The following GTF2E2 variants were observed in gnomAD, a reference collection of about 807,000 sequenced individuals.
GTF2E2 encodes the protein transcription initiation factor IIE subunit beta.
A neutral mutation model predicts 40.5 loss-of-function variants in GTF2E2; 21 were observed. The observed-to-expected ratio is 0.52, with a 90% CI of 0.37 to 0.75. The LOEUF (loss-of-function observed/expected upper bound fraction) is 0.75. Ranked by LOEUF, GTF2E2 falls within the 30% of genes least tolerant of loss-of-function variation. The probability of loss-of-function intolerance (pLI) is 0.00; values close to 1 mark genes in which losing one functional copy is unlikely to be tolerated. For missense variants in GTF2E2, 298 were observed against 338.4 expected (o/e 0.88, Z 0.94); for synonymous variants, 117 against 121.6 (o/e 0.96, Z 0.25).
intron 3 of GTF2E2, among the ~76,000 whole-genome samples, chr8:30,630,981 G>A (rs1173508370): frequency 1.3e-5 from 2 of 152,034 alleles, no homozygotes; most frequent in Admixed American, 1.3e-4. Flanking sequence ...GTAATGCACA[G>A]AGAACACTGG....
chr8:30,587,667 G>A (rs554153101), intron 6 of GTF2E2, among the ~76,000 whole-genome samples: 1 of 152,074 alleles, frequency 6.6e-6, no homozygotes, highest in South Asian at 2.1e-4. Flanking sequence ...AAGGTCAGGA[G>A]TTCGAGACCA....
intron 3 of GTF2E2, among the ~76,000 whole-genome samples, chr8:30,619,001 G>T (rs1414856598): frequency 6.6e-6 from 1 of 152,152 alleles, no homozygotes; most frequent in Non-Finnish European, 1.5e-5. Flanking sequence ...AGAGTGCAGT[G>T]GTGCAATCTT....
chr8:30,579,536 T>A (rs994988686), intron 7 of GTF2E2, among the ~76,000 whole-genome samples: 2 of 152,214 alleles, frequency 1.3e-5, no homozygotes, highest in Non-Finnish European at 2.9e-5. Context: ...GGGCTGCAAT[T>A]ACACTCATTT....
intron 6 of GTF2E2, among the ~76,000 whole-genome samples, chr8:30,592,147 GT>G (rs1828868071): frequency 6.6e-6 from 1 of 152,116 alleles, no homozygotes; most frequent in South Asian, 2.1e-4. Flanking sequence ...GGAAGCTGAG[GT>G]AGGCAGATCA....
intron 2 of GTF2E2, among the ~76,000 whole-genome samples, chr8:30,649,499 T>C (rs1802200524): frequency 6.6e-6 from 1 of 152,102 alleles, no homozygotes; most frequent in Non-Finnish European, 1.5e-5. Context: ...GATGAACCTT[T>C]AGCTAGACTC....
In GTF2E2 at chr8:30,649,404, AAAACAAAC is replaced by A. The variant is rs528301159; in HGVS notation, c.166+4021_166+4028del. Among the ~76,000 whole-genome samples the A allele has an allele frequency of 1.3e-3, 191 of 152,206 alleles. 1 individual carries two copies. Among genetic ancestry groups the A allele is most frequent in the African/African-American group, 4.3e-3 (177 of 41,546 alleles). On this transcript the variant is annotated intron_variant, in intron 2 of 7. Transcript: ENST00000355904. ...AATAATAAATACTGATGTGGAAATAAAAACAAACAAACAAACAAACAAAAACCAAAACA... is the reference window on the plus strand; with the variant it reads ...AATAATAAATACTGATGTGGAAATAAAAACAAACAAACAAAAACCAAAACA...
intron 2 of GTF2E2, chr8:30,643,763 A>G (rs1197621281): frequency 6.6e-6 from 1 of 151,990 alleles, no homozygotes; most frequent in Admixed American, 6.6e-5. Context: ...TAATAATTCT[A>G]AGTCTTAACC....
At chr8:30,585,696 G>A (rs1011760536) in intron 6 of GTF2E2, among the ~76,000 whole-genome samples, 2 of 143,330 alleles carry the variant, frequency 1.4e-5, no homozygotes, top group East Asian at 2.1e-4. Context: ...AATAATTCAC[G>A]CACTTGCCAC....
intron 3 of GTF2E2, among the ~76,000 whole-genome samples, chr8:30,626,854 A>T (rs960437394): frequency 6.6e-6 from 1 of 152,222 alleles, no homozygotes; most frequent in Non-Finnish European, 1.5e-5. Context: ...ACAATTTATG[A>T]CTCCAGCAAA....
intron 6 of GTF2E2, among the ~76,000 whole-genome samples, chr8:30,599,322 A>T (rs1299279209): frequency 1.3e-5 from 2 of 152,236 alleles, no homozygotes; most frequent in African/African-American, 4.8e-5. Flanking sequence ...CACGCCTGTT[A>T]TCCCAGCACT....
At chr8:30,607,481 A>G (rs1413241598) in intron 5 of GTF2E2, among the ~76,000 whole-genome samples, 2 of 152,030 alleles carry the variant, frequency 1.3e-5, no homozygotes, top group African/African-American at 2.4e-5. Context: ...GGGTCTCACT[A>G]TGTTGCCAGG....
At chr8:30,656,139 G>A (rs796585590) in intron 1 of GTF2E2, among the ~76,000 whole-genome samples, 2 of 152,196 alleles carry the variant, frequency 1.3e-5, no homozygotes, top group South Asian at 2.1e-4. Flanking sequence ...AAAGCCACCT[G>A]GCTAGGCAAC....
chr8:30,579,033 G>A lies in GTF2E2; in HGVS notation c.764C>T (p.Pro255Leu). ...MQESGPKKVA[P>L]IQRRKKPASQ... ...AGCAGGCTTTTTCCTTCTCTGAATA[G>A]GGGCCTAAAGGAAAAGGTAAAAACA... Residue 255 changes from proline (P) to leucine (L), a missense_variant, in exon 8 of 8, where the codon CCT becomes CTT. Transcript: ENST00000355904. 1 of 1,519,630 alleles carries A rather than the reference G, an allele frequency of 6.6e-7. No homozygotes were observed. 94.1% of individuals were successfully genotyped at this position (1,519,630 alleles called of 1,614,324 possible).
intron 6 of GTF2E2, among the ~76,000 whole-genome samples, chr8:30,603,872 G>C (rs1241809948): frequency 2.0e-5 from 3 of 151,980 alleles, no homozygotes; most frequent in Non-Finnish European, 4.4e-5. Context: ...GAAAATAACA[G>C]TGAGAAAATT....
At chr8:30,612,989 G>A (rs1829523399) in intron 4 of GTF2E2, among the ~76,000 whole-genome samples, 1 of 152,160 alleles carries the variant, frequency 6.6e-6, no homozygotes, top group Non-Finnish European at 1.5e-5. Flanking sequence ...GATCAGCACG[G>A]TGCTCACTTT....
chr8:30,650,307 A>G (rs1802227824), intron 2 of GTF2E2, among the ~76,000 whole-genome samples: 1 of 152,220 alleles, frequency 6.6e-6, no homozygotes, highest in Non-Finnish European at 1.5e-5. Flanking sequence ...TAATGTTAAT[A>G]TATCATATTA....
chr8:30,632,989 GAAGA>G (rs1801486005), intron 3 of GTF2E2, among the ~76,000 whole-genome samples: 1 of 152,076 alleles, frequency 6.6e-6, no homozygotes, highest in Non-Finnish European at 1.5e-5. Flanking sequence ...ACTAATGAAG[GAAGA>G]GAGGAGACAG....
At chr8:30,644,083 A>T (rs1801965999) in intron 2 of GTF2E2, among the ~76,000 whole-genome samples, 1 of 152,248 alleles carries the variant, frequency 6.6e-6, no homozygotes, top group Non-Finnish European at 1.5e-5. Flanking sequence ...TATAATTTTT[A>T]AAACTAAATG....
chr8:30,597,200 T>C (rs1829033852), intron 6 of GTF2E2: 1 of 152,278 alleles, frequency 6.6e-6, no homozygotes, highest in Non-Finnish European at 1.5e-5. Context: ...CTAGCACATA[T>C]TCCTGTCCCT....
Sources: allele counts gnomAD v4.1 joint callset (sites outside exome capture counted in the v4.1 genomes callset), GRCh38; gene constraint gnomAD v4.1.1; transcripts MANE v1.5; gene names NCBI Gene and HGNC (gene_info 2026-07-23, HGNC 2026-07-21).